The following PALS2 variants were observed in gnomAD, a reference collection of about 807,000 sequenced individuals.
The protein encoded by PALS2 is protein PALS2.
A neutral mutation model predicts 61.6 loss-of-function variants in PALS2; 27 were observed. That is an observed-to-expected ratio of 0.44 (90% CI 0.32 to 0.60). The LOEUF is 0.60. Ranked by LOEUF, PALS2 falls within the 20% of genes least tolerant of loss-of-function variation. The probability of loss-of-function intolerance (pLI) is 0.05; values close to 1 mark genes in which losing one functional copy is unlikely to be tolerated. For synonymous variants in PALS2, 236 were observed against 218.6 expected, an observed-to-expected ratio of 1.08 and a Z score of -0.70; for missense variants, 554 against 639.4, an observed-to-expected ratio of 0.87 and a Z score of 1.44.
chr7:24,692,954 A>T lies in PALS2; in HGVS notation c.*5340A>T, dbSNP rs893699549. On this transcript the variant is annotated 3_prime_UTR_variant, in exon 12 of 12. Transcript: ENST00000222644. ...TTGTGAACCTCAAAATCCAGATATTAATCCACTTTAGTTATTACTTTGTAA... is the reference window on the plus strand; with the variant it reads ...TTGTGAACCTCAAAATCCAGATATTTATCCACTTTAGTTATTACTTTGTAA... The T allele has an allele frequency of 1.3e-5, 2 of 152,196 alleles. No individual in the cohort carries two copies. Among genetic ancestry groups the T allele is most frequent in the Non-Finnish European group, 2.9e-5 (2 of 68,012 alleles). The allele number at this position is 152,196 out of a possible 1,614,324, so 9.4% of individuals were successfully genotyped here.
chr7:24,625,374 T>A (rs930892582), intron 2 of PALS2, among the ~76,000 whole-genome samples: 9 of 152,098 alleles, frequency 5.9e-5, no homozygotes, highest in Admixed American at 3.3e-4. Flanking sequence ...TGTTTATAGT[T>A]TGCAAAGGTC....
intron 9 of PALS2, among the ~76,000 whole-genome samples, chr7:24,674,887 A>G (rs1263185045): frequency 6.6e-6 from 1 of 152,174 alleles, no homozygotes; most frequent in Non-Finnish European, 1.5e-5. Context: ...ATGAAGTATT[A>G]CTTTGTTGAT....
intron 8 of PALS2, chr7:24,666,773 C>T (rs534151662): frequency 3.7e-4 from 56 of 151,880 alleles, no homozygotes; most frequent in African/African-American, 1.1e-3. Context: ...AAAATAAGAC[C>T]CCAGACCTGG....
intron 2 of PALS2, among the ~76,000 whole-genome samples, chr7:24,638,411 A>G (rs1785353398): frequency 2.9e-5 from 1 of 34,858 alleles, no homozygotes; most frequent in Non-Finnish European, 3.9e-5. Context: ...GCTCACTGCA[A>G]GCTCCGCCTC....
At chr7:24,633,881 A>G (rs979828431) in intron 2 of PALS2, among the ~76,000 whole-genome samples, 2 of 151,978 alleles carry the variant, frequency 1.3e-5, no homozygotes, top group African/African-American at 4.8e-5. Flanking sequence ...CATCTTCAAC[A>G]CTTGTTATTA....
rs1330640639 is a variant in PALS2, at chr7:24,663,504, TAAATC to T, written c.652-84_652-80del. The T allele has an allele frequency of 3.0e-5, 39 of 1,289,614 alleles. No homozygotes were observed. The East Asian group carries it at 5.3e-4, about 18-fold the overall frequency. 79.9% of individuals were successfully genotyped at this position (1,289,614 alleles called of 1,614,324 possible). On this transcript the variant is annotated intron_variant, in intron 5 of 11. Coordinates refer to ENST00000222644, the MANE Select transcript of PALS2 (RefSeq NM_001303037.2). ...TACTAAATACATTGTCAGTTACAAT[TAAATC>T]AGAGTGGTTTGACAAGGATTTTTTA... is the stretch of plus-strand genomic sequence containing the variant.
At chr7:24,684,263 C>A (rs992027961) in intron 11 of PALS2, among the ~76,000 whole-genome samples, 2 of 152,200 alleles carry the variant, frequency 1.3e-5, no homozygotes, top group Admixed American at 1.3e-4. Flanking sequence ...CCACACCCAG[C>A]TAACTTTTGT....
intron 1 of PALS2, among the ~76,000 whole-genome samples, chr7:24,607,579 GTA>G (rs1162499576): frequency 8.3e-6 from 1 of 120,460 alleles, no homozygotes; most frequent in Non-Finnish European, 1.7e-5. Flanking sequence ...ATATATGTGT[GTA>G]TATATACATA....
At chr7:24,623,434 C>T (rs1413080234) in intron 1 of PALS2, among the ~76,000 whole-genome samples, 4 of 151,952 alleles carry the variant, frequency 2.6e-5, no homozygotes, top group African/African-American at 9.7e-5. Context: ...GTAAGGTAGT[C>T]TGATAAAGTC....
At chr7:24,602,552 G>T (rs775575642) in intron 1 of PALS2, among the ~76,000 whole-genome samples, 2 of 152,172 alleles carry the variant, frequency 1.3e-5, no homozygotes, top group Non-Finnish European at 1.5e-5. Flanking sequence ...TGCCTGGAAA[G>T]TAAAGACCAA....
At chr7:24,654,273 TGAA>T (rs1786305620) in intron 5 of PALS2, among the ~76,000 whole-genome samples, 1 of 151,368 alleles carries the variant, frequency 6.6e-6, no homozygotes, top group African/African-American at 2.4e-5. Context: ...AATATTTTCT[TGAA>T]GGATCCATAA....
chr7:24,684,950 T>C (rs1481703697), intron 11 of PALS2, among the ~76,000 whole-genome samples: 1 of 152,182 alleles, frequency 6.6e-6, no homozygotes, highest in Non-Finnish European at 1.5e-5. Context: ...ATTTTTTTTT[T>C]CCTTCAACTT....
Position 24,638,583 on chromosome 7 carries a change from G to A in PALS2, c.118-3133G>A, listed in dbSNP as rs962421077. 1.6e-4 allele frequency among the ~76,000 whole-genome samples: 7 copies of A among 44,770 alleles called. 2 individuals are homozygous for A. Among genetic ancestry groups the A allele is most frequent in the Non-Finnish European group, 2.4e-4 (7 of 29,416 alleles). The allele number at this position is 44,770 out of a possible 152,430, so 29.4% of individuals were successfully genotyped here. A position where few individuals can be genotyped will look rare whatever the true frequency, so the allele number is the denominator to read the frequency against. On this transcript the variant is annotated intron_variant, in intron 2 of 11. Coordinates refer to ENST00000222644, the MANE Select transcript of PALS2 (RefSeq NM_001303037.2). ...CCTGACCTCGTGATCCGCCCGCCTC[G>A]GCCTCCCAAAGTGCTGGGATTACAG...
intron 8 of PALS2, among the ~76,000 whole-genome samples, chr7:24,667,292 T>C (rs1299183709): frequency 6.6e-6 from 1 of 152,210 alleles, no homozygotes; most frequent in East Asian, 1.9e-4. Context: ...GTTATGTTTC[T>C]AGTGAAACAG....
chr7:24,611,264 GTAAAAGCTTGCCATTTTAGTAGAC>G (rs780237158), intron 1 of PALS2, among the ~76,000 whole-genome samples: 55 of 152,112 alleles, frequency 3.6e-4, no homozygotes, highest in Middle Eastern at 3.4e-3. Context: ...AAGTATTACC[GTAAAAGCTTGCCATTTTAGTAGAC>G]TAAAGATGCC....
chr7:24,684,904 C>T (rs1726854040), intron 11 of PALS2, among the ~76,000 whole-genome samples: 1 of 151,758 alleles, frequency 6.6e-6, no homozygotes, highest in Non-Finnish European at 1.5e-5. Context: ...GTTTTAAGTT[C>T]CAGGCTTTTA....
At chr7:24,620,292 C>G (rs1784445525) in intron 1 of PALS2, 1 of 152,070 alleles carries the variant, frequency 6.6e-6, no homozygotes, top group Non-Finnish European at 1.5e-5. Flanking sequence ...ATAATTTTGT[C>G]ACATGGTTTT....
chr7:24,681,102 T>C (rs1230963794), intron 11 of PALS2, among the ~76,000 whole-genome samples: 4 of 152,320 alleles, frequency 2.6e-5, no homozygotes, highest in Non-Finnish European at 4.4e-5. Context: ...CGCCTTCATT[T>C]TACTAGTGGG....
At chr7:24,613,954 A>G (rs941000438) in intron 1 of PALS2, among the ~76,000 whole-genome samples, 1 of 151,922 alleles carries the variant, frequency 6.6e-6, no homozygotes, top group Non-Finnish European at 1.5e-5. Context: ...TCCATTATGT[A>G]TATATACCAC....
Sources: gnomAD v4.1 joint callset for allele counts (sites outside exome capture counted in the v4.1 genomes callset) on GRCh38, gnomAD v4.1.1 for gene constraint, MANE v1.5 for transcripts, NCBI Gene and HGNC (gene_info 2026-07-23, HGNC 2026-07-21) for gene names.